TIAM1: variants seen among roughly 807,000 people sequenced by gnomAD.
The protein encoded by TIAM1 is TIAM Rac1 associated GEF 1, also known as rho guanine nucleotide exchange factor TIAM1.
Under a neutral mutation model 163.5 loss-of-function variants are expected in TIAM1, and 65 were observed. That is an observed-to-expected ratio of 0.40 (90% CI 0.33 to 0.49). The LOEUF is 0.49. TIAM1 is among the 20% of genes least tolerant of loss of function. The probability of loss-of-function intolerance (pLI) is 0.77; values close to 1 mark genes in which losing one functional copy is unlikely to be tolerated. For missense variants in TIAM1, 1,789 were observed against 2,044.7 expected, an observed-to-expected ratio of 0.87 and a Z score of 2.41; for synonymous variants, 833 against 810.1, an observed-to-expected ratio of 1.03 and a Z score of -0.48.
At chr21:31,197,569 G>T (rs2085938252) in intron 12 of TIAM1, among the ~76,000 whole-genome samples, 1 of 112,294 alleles carries the variant, frequency 8.9e-6, no homozygotes. Context: ...TTTTAGTAGA[G>T]ACAGGGTTTC....
At chr21:31,370,384 T>C (rs1293446617) in intron 2 of TIAM1, among the ~76,000 whole-genome samples, 1 of 152,214 alleles carries the variant, frequency 6.6e-6, no homozygotes, top group African/African-American at 2.4e-5. Flanking sequence ...AATATGGCTT[T>C]TTTATGTTCT....
chr21:31,424,206 G>A (rs1174545941), intron 2 of TIAM1, among the ~76,000 whole-genome samples: 1 of 152,172 alleles, frequency 6.6e-6, no homozygotes, highest in Admixed American at 6.5e-5. Flanking sequence ...TTAGTATCCT[G>A]TAACTAGAGC....
intron 4 of TIAM1, among the ~76,000 whole-genome samples, chr21:31,261,821 TC>T (rs1372981656): frequency 6.6e-6 from 1 of 152,074 alleles, no homozygotes; most frequent in African/African-American, 2.4e-5. Context: ...AACCCACAAA[TC>T]TATTCACCAG....
At chr21:31,212,349 T>C (rs567121943) in intron 10 of TIAM1, among the ~76,000 whole-genome samples, 1 of 152,166 alleles carries the variant, frequency 6.6e-6, no homozygotes, top group South Asian at 2.1e-4. Flanking sequence ...CTGAATTCTG[T>C]CATATTGATT....
chr21:31,226,046 C>T (rs2087951753), intron 6 of TIAM1, 96 bp from the exon 7 acceptor site: 14 of 1,081,414 alleles, frequency 1.3e-5, no homozygotes, highest in South Asian at 4.4e-5. Flanking sequence ...GCCTGGGAGT[C>T]GAGGTGACAG....
intron 15 of TIAM1, among the ~76,000 whole-genome samples, chr21:31,174,474 T>C (rs2084669279): frequency 6.6e-6 from 1 of 152,292 alleles, no homozygotes; most frequent in South Asian, 2.1e-4. Context: ...TATCAAAGGA[T>C]CTGACTCTGC....
chr21:31,550,102 C>A (rs187926375), intron 1 of TIAM1, among the ~76,000 whole-genome samples: 66 of 147,634 alleles, frequency 4.5e-4, no homozygotes, highest in African/African-American at 1.5e-3. Context: ...CCAGCCTGGG[C>A]GACAGAGAGA....
intron 19 of TIAM1, among the ~76,000 whole-genome samples, chr21:31,149,825 A>T (rs775799366): frequency 3.9e-5 from 6 of 152,240 alleles, no homozygotes; most frequent in Non-Finnish European, 8.8e-5. Flanking sequence ...AGGTATCACT[A>T]CAATGAACCT....
chr21:31,183,909 G>A (rs2085156324), intron 14 of TIAM1, among the ~76,000 whole-genome samples: 1 of 150,844 alleles, frequency 6.6e-6, no homozygotes, highest in African/African-American at 2.4e-5. Flanking sequence ...TGGCCAGGCT[G>A]GTCTGCTGAC....
intron 2 of TIAM1, among the ~76,000 whole-genome samples, chr21:31,450,985 G>A (rs1291251715): frequency 6.6e-6 from 1 of 151,712 alleles, no homozygotes; most frequent in Non-Finnish European, 1.5e-5. Context: ...AACAGTCCTT[G>A]TGGGCTTCAG....
At chr21:31,420,771 C>A (rs1050412253) in intron 2 of TIAM1, among the ~76,000 whole-genome samples, 3 of 152,080 alleles carry the variant, frequency 2.0e-5, no homozygotes, top group African/African-American at 7.2e-5. Context: ...AAATTCACAT[C>A]CACTCAGAAC....
chr21:31,406,180 TA>T (rs78738144), intron 2 of TIAM1, among the ~76,000 whole-genome samples: 2,585 of 138,082 alleles, frequency 0.019, 51 homozygotes, highest in African/African-American at 0.05. Context: ...AATGTTATCT[TA>T]AAAAAAAAAA....
At chr21:31,298,578 C>T (rs2074376752) in intron 2 of TIAM1, among the ~76,000 whole-genome samples, 1 of 152,136 alleles carries the variant, frequency 6.6e-6, no homozygotes, top group African/African-American at 2.4e-5. Context: ...TCTTCCCTCT[C>T]TAATTGTCTG....
At chr21:31,414,475 G>T (rs188793350) in intron 2 of TIAM1, among the ~76,000 whole-genome samples, 5 of 152,292 alleles carry the variant, frequency 3.3e-5, no homozygotes, top group Admixed American at 3.3e-4. Context: ...AATTCCAGGG[G>T]CCAGTGGCAG....
chr21:31,474,122 G>A (rs59244821), intron 1 of TIAM1, among the ~76,000 whole-genome samples: 4,580 of 152,234 alleles, frequency 0.03, 237 homozygotes, highest in African/African-American at 0.1. Flanking sequence ...AACTAACAGA[G>A]TGAGAGCTCA....
At chr21:31,515,327 C>T (rs1246261802) in intron 1 of TIAM1, among the ~76,000 whole-genome samples, 1 of 152,104 alleles carries the variant, frequency 6.6e-6, no homozygotes, top group Non-Finnish European at 1.5e-5. Flanking sequence ...AAGTGTGGTC[C>T]CTGGACCAGT....
At chr21:31,239,760 T>C (rs1355982113) in intron 6 of TIAM1, among the ~76,000 whole-genome samples, 1 of 152,144 alleles carries the variant, frequency 6.6e-6, no homozygotes, top group African/African-American at 2.4e-5. Flanking sequence ...GATATTGAAA[T>C]GGTCATTAAG....
intron 15 of TIAM1, among the ~76,000 whole-genome samples, chr21:31,173,063 A>G (rs1457574413): frequency 6.6e-6 from 1 of 152,184 alleles, no homozygotes; most frequent in Admixed American, 6.5e-5. Context: ...GTACAAACAT[A>G]TTAGTGCAGT....
At chr21:31,172,156 C>T (rs557028228) in intron 15 of TIAM1, among the ~76,000 whole-genome samples, 50 of 152,174 alleles carry the variant, frequency 3.3e-4, no homozygotes, top group Admixed American at 3.0e-3. Flanking sequence ...GACAGTGGTA[C>T]GCTTCAAGGA....
Sources: gnomAD v4.1 joint callset for allele counts (sites outside exome capture counted in the v4.1 genomes callset) on GRCh38, gnomAD v4.1.1 for gene constraint, MANE v1.5 for transcripts, NCBI Gene and HGNC (gene_info 2026-07-23, HGNC 2026-07-21) for gene names.